The following TRHDE variants were observed in gnomAD, a reference collection of about 807,000 sequenced individuals.
The protein encoded by TRHDE is thyrotropin releasing hormone degrading enzyme.
A neutral mutation model predicts 125.7 loss-of-function variants in TRHDE; 72 were observed. That is an observed-to-expected ratio of 0.57 (90% CI 0.47 to 0.70). TRHDE has a LOEUF of 0.70. TRHDE is among the 30% of genes least tolerant of loss of function. The pLI is 0.00. For missense variants in TRHDE, 1,110 were observed against 1,327.1 expected (o/e 0.84, Z 2.54); for synonymous variants, 509 against 509.1 (o/e 1.00, Z 0.00).
intron 2 of TRHDE, among the ~76,000 whole-genome samples, chr12:72,108,054 A>C (rs1875229710): frequency 6.6e-6 from 1 of 152,092 alleles, no homozygotes; most frequent in African/African-American, 2.4e-5. Context: ...TGGCTTCCTA[A>C]TAAAATGCTA....
chr12:72,650,654 T>C (rs573418056), intron 15 of TRHDE, among the ~76,000 whole-genome samples: 52 of 152,182 alleles, frequency 3.4e-4, no homozygotes, highest in African/African-American at 1.2e-3. Context: ...GAAATGTACA[T>C]TGATTGATGG....
intron 5 of TRHDE, among the ~76,000 whole-genome samples, chr12:72,493,598 G>T (rs1877779801): frequency 6.6e-6 from 1 of 151,904 alleles, no homozygotes; most frequent in South Asian, 2.1e-4. Context: ...TAGCCCTGAT[G>T]ATGTCACTTC....
chr12:72,474,851 C>G (rs1876817337), intron 5 of TRHDE, among the ~76,000 whole-genome samples: 2 of 151,868 alleles, frequency 1.3e-5, no homozygotes, highest in South Asian at 4.1e-4. Context: ...ATTTAAACGA[C>G]TCCTGCTGAG....
intron 2 of TRHDE, among the ~76,000 whole-genome samples, chr12:72,364,423 A>G (rs954739613): frequency 2.6e-5 from 4 of 152,030 alleles, no homozygotes; most frequent in Non-Finnish European, 5.9e-5. Context: ...TTATTATTTA[A>G]CATCCTATAA....
rs1300965103 is a variant in TRHDE at position 72,575,663 on chromosome 12, T to C, written c.2321+121T>C. 9 of 961,814 alleles carry C rather than the reference T, an allele frequency of 9.4e-6. No homozygotes were observed. The East Asian group carries it at 1.3e-4, about 14-fold the overall frequency. 59.6% of individuals were successfully genotyped at this position (961,814 alleles called of 1,614,324 possible). A position where few individuals can be genotyped will look rare whatever the true frequency, so the allele number is the denominator to read the frequency against. Reference sequence around the variant, plus strand: ...TTTAAAAAAATCTATTTCTATCTTATGTTCTTTGACTTTGGATATGAGTTC... The same window carrying C: ...TTTAAAAAAATCTATTTCTATCTTACGTTCTTTGACTTTGGATATGAGTTC... On this transcript the variant is annotated intron_variant, in intron 12 of 18. Coordinates refer to ENST00000261180, the MANE Select transcript of TRHDE (RefSeq NM_013381.3).
At chr12:72,502,730 A>G (rs1039789548) in intron 6 of TRHDE, among the ~76,000 whole-genome samples, 2 of 152,112 alleles carry the variant, frequency 1.3e-5, no homozygotes, top group Non-Finnish European at 2.9e-5. Flanking sequence ...CCACTTATTC[A>G]TCATGCTTTC....
intron 2 of TRHDE, among the ~76,000 whole-genome samples, chr12:72,176,344 TCA>T (rs1876988002): frequency 6.6e-6 from 1 of 152,102 alleles, no homozygotes; most frequent in African/African-American, 2.4e-5. Context: ...GCTTACATTC[TCA>T]CCCTACTTAG....
chr12:72,253,463 G>A (rs760440992), intron 2 of TRHDE: 1 of 152,028 alleles, frequency 6.6e-6, no homozygotes, highest in Non-Finnish European at 1.5e-5. Flanking sequence ...CCCTATCTTA[G>A]AGAAAAGCAT....
At chr12:72,399,888 G>A (rs907777623) in intron 3 of TRHDE, among the ~76,000 whole-genome samples, 33 of 151,944 alleles carry the variant, frequency 2.2e-4, no homozygotes, top group Non-Finnish European at 1.5e-5. Context: ...ATTTTCTGTG[G>A]TCTATTTTAA....
intron 2 of TRHDE, among the ~76,000 whole-genome samples, chr12:72,330,502 C>T (rs975485483): frequency 1.3e-4 from 20 of 152,272 alleles, no homozygotes; most frequent in African/African-American, 4.6e-4. Context: ...GATGGGAGAG[C>T]CTGTGGTCAT....
chr12:72,095,245 T>C (rs1874886017), intron 1 of TRHDE, among the ~76,000 whole-genome samples: 2 of 152,232 alleles, frequency 1.3e-5, no homozygotes, highest in Non-Finnish European at 2.9e-5. Flanking sequence ...CACGGACCCC[T>C]GTTATTGCCA....
intron 6 of TRHDE, among the ~76,000 whole-genome samples, chr12:72,519,952 T>C (rs1592507950): frequency 6.6e-6 from 1 of 152,166 alleles, no homozygotes; most frequent in African/African-American, 2.4e-5. Context: ...TGAGGCTGTT[T>C]GGGGGTCAGG....
At chr12:72,538,225 C>T (rs1248012021) in intron 6 of TRHDE, among the ~76,000 whole-genome samples, 2 of 151,980 alleles carry the variant, frequency 1.3e-5, no homozygotes, top group Admixed American at 6.6e-5. Context: ...TTCACACCCA[C>T]AAGTCTATTT....
At chr12:72,458,249 A>C (rs1355083545) in intron 3 of TRHDE, among the ~76,000 whole-genome samples, 1 of 152,194 alleles carries the variant, frequency 6.6e-6, no homozygotes, top group Non-Finnish European at 1.5e-5. Context: ...ATTAAAATTC[A>C]ACTACTTGAT....
intron 2 of TRHDE, among the ~76,000 whole-genome samples, chr12:72,185,436 C>T (rs994610604): frequency 6.6e-6 from 1 of 152,252 alleles, no homozygotes; most frequent in Non-Finnish European, 1.5e-5. Context: ...TGCGAGCGCA[C>T]GGCGCAGGAC....
At chr12:72,587,791 T>A (rs1037999504) in intron 12 of TRHDE, among the ~76,000 whole-genome samples, 1 of 152,272 alleles carries the variant, frequency 6.6e-6, no homozygotes, top group South Asian at 2.1e-4. Flanking sequence ...GCAGAAATTT[T>A]AAAATATTCA....
intron 2 of TRHDE, among the ~76,000 whole-genome samples, chr12:72,308,979 CTT>C (rs760080173): frequency 6.6e-6 from 1 of 151,970 alleles, no homozygotes; most frequent in Non-Finnish European, 1.5e-5. Context: ...ACTCTTGTCA[CTT>C]TGAGTTTATT....
intron 3 of TRHDE, among the ~76,000 whole-genome samples, chr12:72,399,830 G>A (rs1256129863): frequency 6.6e-6 from 1 of 152,008 alleles, no homozygotes; most frequent in Non-Finnish European, 1.5e-5. Context: ...AACTTTCAAT[G>A]ATAAATGACT....
intron 15 of TRHDE, among the ~76,000 whole-genome samples, chr12:72,647,816 A>G (rs1225679834): frequency 6.6e-6 from 1 of 152,138 alleles, no homozygotes; most frequent in Non-Finnish European, 1.5e-5. Flanking sequence ...GGACTAGATG[A>G]CTTCACTGAA....
Sources: gnomAD v4.1 joint callset for allele counts (sites outside exome capture counted in the v4.1 genomes callset) on GRCh38, gnomAD v4.1.1 for gene constraint, MANE v1.5 for transcripts, NCBI Gene and HGNC (gene_info 2026-07-23, HGNC 2026-07-21) for gene names.